Variants in HECW2 observed in about 807,000 individuals in gnomAD.
HECW2 encodes E3 ubiquitin-protein ligase HECW2.
HECW2 carries 61 observed loss-of-function variants against 175.2 expected under a neutral mutation model. The observed-to-expected ratio is 0.35, with a 90% CI of 0.28 to 0.43. The LOEUF is 0.43. Ranked by LOEUF, HECW2 falls within the 20% of genes least tolerant of loss-of-function variation. The probability of loss-of-function intolerance (pLI) is 1.00; values close to 1 mark genes in which losing one functional copy is unlikely to be tolerated. For missense variants in HECW2, 1,524 were observed against 2,000.5 expected, an observed-to-expected ratio of 0.76 and a Z score of 4.54; for synonymous variants, 671 against 731.0, an observed-to-expected ratio of 0.92 and a Z score of 1.32.
chr2:196,331,378 G>T, intron 4 of HECW2: 1 of 647,330 alleles, frequency 1.5e-6, no homozygotes. Flanking sequence ...CACACACTAC[G>T]CTGGACTATG....
intron 2 of HECW2, among the ~76,000 whole-genome samples, chr2:196,388,101 G>C (rs2125174816): frequency 6.6e-6 from 1 of 151,966 alleles, no homozygotes; most frequent in South Asian, 2.1e-4. Flanking sequence ...GACCAGACTG[G>C]GCAACGTAAT....
chr2:196,521,580 C>G (rs1245998708), intron 1 of HECW2, among the ~76,000 whole-genome samples: 1 of 149,524 alleles, frequency 6.7e-6, no homozygotes, highest in Non-Finnish European at 1.5e-5. Context: ...GCGCTGCACC[C>G]ACTAACTCAT....
intron 21 of HECW2, among the ~76,000 whole-genome samples, chr2:196,236,388 G>A (rs533694769): frequency 4.0e-4 from 61 of 152,332 alleles, no homozygotes; most frequent in African/African-American, 1.3e-3. Context: ...CAGAAAGATT[G>A]CAAGGATAAA....
chr2:196,268,713 G>T (rs551189400), intron 17 of HECW2, among the ~76,000 whole-genome samples: 11 of 152,192 alleles, frequency 7.2e-5, no homozygotes, highest in Non-Finnish European at 1.3e-4. Context: ...GGGGGATGGG[G>T]TACACTTAGA....
intron 1 of HECW2, among the ~76,000 whole-genome samples, chr2:196,560,746 C>T (rs556795911): frequency 1.2e-4 from 19 of 152,232 alleles, no homozygotes; most frequent in South Asian, 8.3e-4. Context: ...TCAGGGACCG[C>T]GAACGGAGAG....
chr2:196,284,301 C>T (rs1395520409), intron 14 of HECW2, among the ~76,000 whole-genome samples: 1 of 152,168 alleles, frequency 6.6e-6, no homozygotes, highest in Non-Finnish European at 1.5e-5. Context: ...AGAATAGGTC[C>T]TATTTGTATC....
chr2:196,207,862 TA>T (rs1247908956), intron 28 of HECW2, among the ~76,000 whole-genome samples: 2 of 152,232 alleles, frequency 1.3e-5, no homozygotes, highest in Admixed American at 6.5e-5. Context: ...AATATTCCCA[TA>T]GGGGGGAATT....
intron 2 of HECW2, among the ~76,000 whole-genome samples, chr2:196,370,178 G>A (rs1223041013): frequency 6.6e-6 from 1 of 152,052 alleles, no homozygotes; most frequent in Non-Finnish European, 1.5e-5. Context: ...CCCATGGTGA[G>A]TACTACCTGG....
Position 196,579,566 on chromosome 2 carries a change from G to A in HECW2, c.-36+13942C>T, listed in dbSNP as rs141487515. Among the ~76,000 whole-genome samples, 559 of 152,110 alleles carry A rather than the reference G, an allele frequency of 3.7e-3. 1 individual carries two copies. The highest frequency in any genetic ancestry group is 4.4e-3 in the Non-Finnish European group (301 of 67,962). ...AAAAATAGAATAAAAATTTTAAGTC[G>A]AAAAATATATATACCATGTGTTATG... On this transcript the variant is annotated intron_variant, in intron 1 of 28. Coordinates refer to ENST00000644978, the MANE Select transcript of HECW2 (RefSeq NM_001348768.2).
At chr2:196,466,370 T>C (rs1023925468) in intron 1 of HECW2, among the ~76,000 whole-genome samples, 1 of 152,234 alleles carries the variant, frequency 6.6e-6, no homozygotes, top group African/African-American at 2.4e-5. Flanking sequence ...CTCCAAAATG[T>C]TATCCAAATC....
chr2:196,450,650 T>C (rs1696320509), intron 1 of HECW2, among the ~76,000 whole-genome samples: 1 of 152,022 alleles, frequency 6.6e-6, no homozygotes, highest in South Asian at 2.1e-4. Flanking sequence ...CCTGGGTAAT[T>C]TTTTGCATTT....
At chr2:196,438,176 A>G (rs1695936575) in intron 1 of HECW2, among the ~76,000 whole-genome samples, 1 of 152,126 alleles carries the variant, frequency 6.6e-6, no homozygotes, top group Non-Finnish European at 1.5e-5. Flanking sequence ...AAGAGAGGAG[A>G]CATAGTACAG....
chr2:196,203,493 C>A lies in HECW2; in HGVS notation c.4608-2105G>T, dbSNP rs367647336. Among the ~76,000 whole-genome samples, 302 of 152,190 alleles carry A rather than the reference C, an allele frequency of 2.0e-3. 1 individual carries two copies. The highest frequency in any genetic ancestry group is 6.8e-3 in the African/African-American group (284 of 41,526). On this transcript the variant is annotated intron_variant, in intron 28 of 28. Coordinates refer to ENST00000644978, the MANE Select transcript of HECW2 (RefSeq NM_001348768.2). ...AGTAGAATACGTTTTGAATATAATTCTATGCCAAACTGTGTGTGTCAGACA... is the reference window on the plus strand; with the variant it reads ...AGTAGAATACGTTTTGAATATAATTATATGCCAAACTGTGTGTGTCAGACA...
intron 1 of HECW2, among the ~76,000 whole-genome samples, chr2:196,499,274 T>C (rs933657445): frequency 6.6e-6 from 1 of 151,366 alleles, no homozygotes. Context: ...GAAAGTAATA[T>C]ATTTAAAAAT....
intron 1 of HECW2, among the ~76,000 whole-genome samples, chr2:196,579,516 C>A (rs1465302935): frequency 6.6e-6 from 1 of 152,044 alleles, no homozygotes; most frequent in Non-Finnish European, 1.5e-5. Flanking sequence ...ATGCTGTCTA[C>A]AAGAGATACT....
intron 14 of HECW2, chr2:196,288,155 A>T (rs1374176168): frequency 1.3e-5 from 2 of 152,190 alleles, no homozygotes; most frequent in African/African-American, 4.8e-5. Flanking sequence ...TAGTGGCTTT[A>T]CCCAGGAAGT....
intron 1 of HECW2, among the ~76,000 whole-genome samples, chr2:196,569,538 A>G (rs914138981): frequency 4.6e-5 from 7 of 152,168 alleles, no homozygotes; most frequent in African/African-American, 1.7e-4. Flanking sequence ...TAATTTTGTC[A>G]TATTATTTAT....
At chr2:196,222,083 T>C (rs944088387) in intron 24 of HECW2, 128 bp downstream of exon 24, 22 of 728,384 alleles carry the variant, frequency 3.0e-5, no homozygotes, top group Middle Eastern at 4.9e-4. Context: ...CTGTGTGTGA[T>C]CCTGAGTTTA....
rs1693969647 is a variant in HECW2, at chr2:196,373,756, A to G, written c.293-29992T>C. ...TATCTGCCATGGCTTGATAAGCAAA[A>G]TAAGGTGCATGCTCAAGAAATATGT... On this transcript the variant is annotated intron_variant, in intron 2 of 28. Coordinates refer to ENST00000644978, the MANE Select transcript of HECW2 (RefSeq NM_001348768.2). Among the ~76,000 whole-genome samples, 3 of 152,228 alleles carry G rather than the reference A, an allele frequency of 2.0e-5. No individual in the cohort carries two copies. The South Asian group carries it at 6.2e-4, about 31-fold the overall frequency.
Sources: gnomAD v4.1 joint callset for allele counts (sites outside exome capture counted in the v4.1 genomes callset) on GRCh38, gnomAD v4.1.1 for gene constraint, MANE v1.5 for transcripts, NCBI Gene and HGNC (gene_info 2026-07-23, HGNC 2026-07-21) for gene names.